Variants in MAGI2 observed in about 807,000 individuals in gnomAD.
MAGI2 encodes membrane associated guanylate kinase, WW and PDZ domain containing 2.
Under a neutral mutation model 133.3 loss-of-function variants are expected in MAGI2, and 35 were observed. The ratio of observed to expected loss-of-function variants is 0.26; its 90% confidence interval spans 0.20 to 0.35. The LOEUF is 0.35. MAGI2 is among the 10% of genes least tolerant of loss of function. MAGI2 has a pLI of 1.00. For missense variants in MAGI2, 1,636 were observed against 1,863.4 expected (o/e 0.88, Z 2.25); for synonymous variants, 729 against 710.6 (o/e 1.03, Z -0.41).
intron 15 of MAGI2, among the ~76,000 whole-genome samples, chr7:78,163,740 A>T (rs928081924): frequency 6.6e-6 from 1 of 151,848 alleles, no homozygotes; most frequent in African/African-American, 2.4e-5. Context: ...CCCCATCTCT[A>T]CTAAAAATAC....
intron 2 of MAGI2, among the ~76,000 whole-genome samples, chr7:78,984,677 C>G (rs1379166711): frequency 6.6e-6 from 1 of 151,824 alleles, no homozygotes; most frequent in Non-Finnish European, 1.5e-5. Flanking sequence ...GACACACATG[C>G]ACACACGCCC....
intron 1 of MAGI2, among the ~76,000 whole-genome samples, chr7:79,273,904 T>G (rs969852869): frequency 6.6e-6 from 1 of 152,090 alleles, no homozygotes; most frequent in African/African-American, 2.4e-5. Context: ...AATAAAAAAC[T>G]GCTTATTAAA....
chr7:78,433,651 A>T (rs1451377020), intron 6 of MAGI2, among the ~76,000 whole-genome samples: 2 of 151,892 alleles, frequency 1.3e-5, no homozygotes, highest in East Asian at 3.9e-4. Flanking sequence ...TTTATTTTCA[A>T]ATCTTCTGGA....
At chr7:78,065,208 G>A (rs772168268) in intron 21 of MAGI2, among the ~76,000 whole-genome samples, 1 of 152,142 alleles carries the variant, frequency 6.6e-6, no homozygotes, top group Non-Finnish European at 1.5e-5. Context: ...GATAGCTTAG[G>A]TTACAGCTGT....
intron 2 of MAGI2, among the ~76,000 whole-genome samples, chr7:78,799,405 T>C (rs1209874695): frequency 6.6e-6 from 1 of 152,154 alleles, no homozygotes; most frequent in East Asian, 1.9e-4. Context: ...CAAAATGATT[T>C]ACTGAAAATA....
At chr7:78,635,338 A>G (rs965438681) in intron 2 of MAGI2, among the ~76,000 whole-genome samples, 11 of 152,204 alleles carry the variant, frequency 7.2e-5, no homozygotes, top group Admixed American at 6.5e-4. Flanking sequence ...TCTAAAGCGT[A>G]TTTCCCCTCA....
chr7:78,513,259 T>G (rs1410216978), intron 4 of MAGI2, among the ~76,000 whole-genome samples: 1 of 152,158 alleles, frequency 6.6e-6, no homozygotes, highest in African/African-American at 2.4e-5. Context: ...GAGCTATTCT[T>G]TGGGGCAAAA....
At chr7:79,005,666 A>G (rs1009842417) in intron 2 of MAGI2, among the ~76,000 whole-genome samples, 1 of 152,112 alleles carries the variant, frequency 6.6e-6, no homozygotes, top group South Asian at 2.1e-4. Flanking sequence ...AGTATTTCAG[A>G]TCTCCTTTCT....
rs764875633 is a variant in MAGI2 at position 78,160,018 on chromosome 7, C to T, written c.2845+7G>A. 1 of 1,537,398 alleles carries T rather than the reference C, an allele frequency of 6.5e-7. No homozygotes were observed. The highest frequency in any genetic ancestry group is 8.8e-7 in the Non-Finnish European group (1 of 1,139,926). ...TTATTCAAATGCAGGCAAATTTCAG[C>T]ACTTACTTATAGTGGATCCAGACTC... On this transcript the variant is annotated splice_region_variant and intron_variant, in intron 16 of 21. Transcript: ENST00000354212.
At chr7:78,567,083 CAAAG>C (rs891278473) in intron 3 of MAGI2, among the ~76,000 whole-genome samples, 5 of 152,038 alleles carry the variant, frequency 3.3e-5, no homozygotes, top group African/African-American at 4.8e-5. Context: ...TTTACAAAAA[CAAAG>C]AAACTTTGTC....
intron 5 of MAGI2, among the ~76,000 whole-genome samples, chr7:78,500,695 G>T (rs192990912): frequency 6.6e-6 from 1 of 152,202 alleles, no homozygotes; most frequent in African/African-American, 2.4e-5. Context: ...CATAAAAATT[G>T]TAAGCAACTA....
chr7:78,308,709 A>G (rs1206041725), intron 9 of MAGI2, among the ~76,000 whole-genome samples: 1 of 152,126 alleles, frequency 6.6e-6, no homozygotes, highest in Non-Finnish European at 1.5e-5. Flanking sequence ...CAACCTCCTT[A>G]GGTCTATACT....
At chr7:78,174,208 G>A (rs1409307416) in intron 14 of MAGI2, among the ~76,000 whole-genome samples, 2 of 152,100 alleles carry the variant, frequency 1.3e-5, no homozygotes, top group Non-Finnish European at 2.9e-5. Flanking sequence ...GCTAGGCTTG[G>A]AACACATAAA....
At chr7:78,201,541 T>C (rs1207801562) in intron 10 of MAGI2, among the ~76,000 whole-genome samples, 1 of 152,240 alleles carries the variant, frequency 6.6e-6, no homozygotes, top group African/African-American at 2.4e-5. Context: ...AGAGAGGATA[T>C]TGACATACAT....
At chr7:78,084,776 C>T (rs1191375719) in intron 20 of MAGI2, among the ~76,000 whole-genome samples, 11 of 152,200 alleles carry the variant, frequency 7.2e-5, no homozygotes, top group Admixed American at 1.3e-4. Context: ...GGTGCTCTGA[C>T]GCTGGGATGC....
chr7:78,224,902 A>T (rs1466205097), intron 10 of MAGI2, among the ~76,000 whole-genome samples: 1 of 152,024 alleles, frequency 6.6e-6, no homozygotes. Context: ...GCATTCCTCC[A>T]TGTTCTCAGG....
At chr7:78,050,896 G>C (rs981158761) in intron 21 of MAGI2, among the ~76,000 whole-genome samples, 1 of 152,166 alleles carries the variant, frequency 6.6e-6, no homozygotes, top group African/African-American at 2.4e-5. Flanking sequence ...CACTAACTCA[G>C]CAGCAACCCC....
intron 21 of MAGI2, among the ~76,000 whole-genome samples, chr7:78,049,236 C>T (rs12672404): frequency 0.91 from 138,848 of 152,282 alleles, 63,366 homozygotes; most frequent in East Asian, 0.96. Flanking sequence ...AAATAAAAGA[C>T]GAGACGGCAT....
intron 20 of MAGI2, among the ~76,000 whole-genome samples, chr7:78,113,760 G>A (rs1483192206): frequency 6.6e-6 from 1 of 152,172 alleles, no homozygotes; most frequent in East Asian, 1.9e-4. Context: ...GTCATCAAGA[G>A]ATGCATGCCT....
Sources: gnomAD v4.1 joint callset for allele counts (sites outside exome capture counted in the v4.1 genomes callset) on GRCh38, gnomAD v4.1.1 for gene constraint, MANE v1.5 for transcripts, NCBI Gene and HGNC (gene_info 2026-07-23, HGNC 2026-07-21) for gene names.